Variants in MYO15A observed in about 807,000 individuals in gnomAD.
MYO15A encodes the protein myosin XVA.
In MYO15A, 308 loss-of-function variants were observed where a neutral mutation model predicts 394.6. That is an observed-to-expected ratio of 0.78 (90% confidence interval 0.71 to 0.86). MYO15A has a LOEUF of 0.86. Among genes scored for constraint, MYO15A ranks in the 40% least tolerant of loss-of-function variants. The pLI, the probability that MYO15A is intolerant of heterozygous loss-of-function variation, is 0.00. For synonymous variants in MYO15A, 1,957 were observed against 2,003.8 expected (o/e 0.98, Z 0.62); for missense variants, 4,606 against 4,799.1 (o/e 0.96, Z 1.19).
rs2142231202 is a variant in MYO15A, at chr17:18,117,094, C to A, written c.-219-1488C>A. The stretch of plus-strand genomic sequence containing the variant: ...CTAACTCGCTCCAAAAGCCCTCCAT[C>A]CAATTTCTCTGGTTTCCATCAAGCC... On this transcript the variant is annotated intron_variant, in intron 1 of 65. Transcript: ENST00000647165. This position sits in a 1 kb window ranked among gnomAD's most constrained non-coding sequence, Gnocchi z 4.1. Among the ~76,000 whole-genome samples, 1 of 152,290 alleles carries A rather than the reference C, an allele frequency of 6.6e-6. No individual in the cohort carries two copies. Among genetic ancestry groups the A allele is most frequent in the Admixed American group, 6.5e-5 (1 of 15,310 alleles).
chr17:18,150,406 C>T lies in MYO15A; in HGVS notation c.7213-23C>T, dbSNP rs746757079. 1.4e-5 allele frequency: 23 copies of T among 1,606,436 alleles called. No individual in the cohort carries two copies. The highest frequency in any genetic ancestry group is 2.0e-5 in the Non-Finnish European group (23 of 1,173,248). The stretch of plus-strand genomic sequence containing the variant: ...TGGGAGTACAATAATGAGATGGTCA[C>T]TTGAGCCACCCACTGCCCCCAGGAC... On this transcript the variant is annotated intron_variant, in intron 35 of 65. Transcript: ENST00000647165. This position sits in a 1 kb window ranked among gnomAD's most constrained non-coding sequence, Gnocchi z 4.4.
chr17:18,137,848 G>A (rs2046306890), intron 16 of MYO15A, 169 bp downstream of exon 16: 20 of 928,514 alleles, frequency 2.2e-5, no homozygotes, highest in Non-Finnish European at 3.3e-5. Context: ...CTCTGTTCTG[G>A]AGGGAAAGGT....
chr17:18,163,798 G>A lies in MYO15A; in HGVS notation c.9747G>A (p.Glu3249=), dbSNP rs2046810065. Reference sequence around the variant, plus strand: ...CTGAGATGGCTCTGACACGCCCTGAGGCCTTCAATGAATATGTTATCTTCG... The same window carrying A: ...CTGAGATGGCTCTGACACGCCCTGAAGCCTTCAATGAATATGTTATCTTCG... ...ICAEMALTRP[E]AFNEYVIFVV... is the part of the protein sequence containing the mutation. Residue 3249 remains glutamate, a synonymous_variant, in exon 60 of 66, where the codon GAG becomes GAA. Coordinates refer to ENST00000647165, the MANE Select transcript of MYO15A (RefSeq NM_016239.4). 6.2e-7 allele frequency: 1 copy of A among 1,613,994 alleles called. No homozygotes were observed. The highest frequency in any genetic ancestry group is 8.5e-7 in the Non-Finnish European group (1 of 1,179,990).
At chr17:18,124,624 A>C in intron 3 of MYO15A, 59 bp downstream of exon 3, 1 of 1,528,034 alleles carries the variant, frequency 6.5e-7, no homozygotes, top group Non-Finnish European at 9.0e-7. Flanking sequence ...CCACCCTCCC[A>C]GCCAGAGCAG....
Position 18,140,800 on chromosome 17 carries a change from T to G in MYO15A, c.5374T>G (p.Phe1792Val), listed in dbSNP as rs1313761615. 6.2e-7 allele frequency: 1 copy of G among 1,614,058 alleles called. No individual in the cohort carries two copies. Among genetic ancestry groups the G allele is most frequent in the Non-Finnish European group, 8.5e-7 (1 of 1,180,046 alleles). Residue 1792 changes from phenylalanine (F) to valine (V), a missense_variant, in exon 21 of 66, where the codon TTC (phenylalanine) becomes GTC (valine). Phe to Val is a conservative substitution (Grantham distance 50). Around this residue, in one of 2 missense-constraint regions of MYO15A, gnomAD observed 2,776 missense variants for 3,109.3 expected, o/e 0.89. Coordinates refer to ENST00000647165, the MANE Select transcript of MYO15A (RefSeq NM_016239.4). ...VEKMERCNPLFMRCLKPNHKK... is the reference protein window; with the variant it reads ...VEKMERCNPLVMRCLKPNHKK... ...TGCCACTGCCAGGTGCAACCCCTTG[T>G]TCATGCGTTGCCTGAAGCCCAACCA...
chr17:18,135,636 CG>C, intron 12 of MYO15A, 74 bp from the exon 13 acceptor site: 1 of 1,400,134 alleles, frequency 7.1e-7, no homozygotes, highest in Non-Finnish European at 9.9e-7. Flanking sequence ...CCACAGTGCC[CG>C]GCCCTGTTTT....
Position 18,121,781 on chromosome 17 carries a change from A to G in MYO15A, c.2981A>G (p.His994Arg), listed in dbSNP as rs759156308. 3 of 1,610,278 alleles carry G rather than the reference A, an allele frequency of 1.9e-6. No individual in the cohort carries two copies. The highest frequency in any genetic ancestry group is 3.3e-5 in the Admixed American group (2 of 59,838). Reference sequence around the variant, plus strand: ...ACCAGGGTCTTCCTGGGCAGACACCATGAGCCGGGGCCTGGACAGCTCACC... The same window carrying G: ...ACCAGGGTCTTCCTGGGCAGACACCGTGAGCCGGGGCCTGGACAGCTCACC... ...DMTRVFLGRH[H>R]EPGPGQLTKS... Residue 994 changes from histidine (H) to arginine (R), a missense_variant, in exon 2 of 66, where the codon CAT becomes CGT. By Grantham distance (29) the His-to-Arg change is conservative (BLOSUM62 0). Transcript: ENST00000647165. This position sits in a 1 kb window ranked among gnomAD's most constrained non-coding sequence, Gnocchi z 5.3.
intron 43 of MYO15A, 21 bp from the exon 44 acceptor site, chr17:18,154,110 A>G (rs756412083): frequency 3.7e-6 from 6 of 1,613,596 alleles, no homozygotes; most frequent in Non-Finnish European, 4.2e-6. Context: ...GACAGTACCC[A>G]CTGAAGCCCC....
At chr17:18,178,594 C>T (rs530864733) in intron 65 of MYO15A, 175 bp from the exon 66 acceptor site, 9 of 709,296 alleles carry the variant, frequency 1.3e-5, no homozygotes, top group African/African-American at 8.7e-5. Context: ...CCCCACCATT[C>T]GGCCTTCCAG....
rs1274540319 is a variant in MYO15A, at chr17:18,143,974, G to A, written c.6151G>A (p.Ala2051Thr). 6.2e-7 allele frequency: 1 copy of A among 1,613,480 alleles called. No homozygotes were observed. Among genetic ancestry groups the A allele is most frequent in the Non-Finnish European group, 8.5e-7 (1 of 1,179,966 alleles). ...CCTGGACATCAACAACTATCCTATG[G>A]CCAAGTTTGTCCAGTGCCACTTCAA... ...LPLDINNYPM[A>T]KFVQCHFKEP... is the part of the protein sequence containing the mutation. Residue 2051 changes from alanine to threonine, a missense_variant, in exon 28 of 66, where the codon GCC becomes ACC. By Grantham distance (58) the Ala-to-Thr change is moderately conservative (BLOSUM62 0). Transcript: ENST00000647165.
At position 18,155,096 on chromosome 17, in the gene MYO15A, C is replaced by A; in HGVS notation, c.8225-14C>A. On this transcript the variant is annotated splice_polypyrimidine_tract_variant and intron_variant, in intron 45 of 65. Coordinates refer to ENST00000647165, the MANE Select transcript of MYO15A (RefSeq NM_016239.4). ...AGTGGGGAGAGGGTCCTGACCAGAC[C>A]TGGCCTCCCATAGCCCAGAACCAGC... 6.2e-7 allele frequency: 1 copy of A among 1,609,896 alleles called. No homozygotes were observed. The highest frequency in any genetic ancestry group is 8.5e-7 in the Non-Finnish European group (1 of 1,178,098).
intron 40 of MYO15A, 77 bp downstream of exon 40, chr17:18,151,604 G>C (rs1325710823): frequency 6.3e-7 from 1 of 1,576,048 alleles, no homozygotes; most frequent in Middle Eastern, 1.8e-4. Context: ...CCAGCTTACT[G>C]GGTTGAAGCG....
At position 18,120,160 on chromosome 17, in the gene MYO15A, A is replaced by T. The variant is rs2045885287; in HGVS notation, c.1360A>T (p.Ser454Cys). Residue 454 changes from serine to cysteine, a missense_variant, in exon 2 of 66, where the codon AGC (serine) becomes TGC (cysteine). Coordinates refer to ENST00000647165, the MANE Select transcript of MYO15A (RefSeq NM_016239.4). ...TCAGGGGACCTCCTTCCGCCTGCCCAGCGCCGCCTTCTTCGAGCAGCAAGG... is the reference window on the plus strand; with the variant it reads ...TCAGGGGACCTCCTTCCGCCTGCCCTGCGCCGCCTTCTTCGAGCAGCAAGG... Reference protein sequence around the residue: ...ERQGTSFRLPSAAFFEQQGMD... With the variant: ...ERQGTSFRLPCAAFFEQQGMD... 30 of 1,612,778 alleles carry T rather than the reference A, an allele frequency of 1.9e-5. No individual in the cohort carries two copies. Among genetic ancestry groups the T allele is most frequent in the Non-Finnish European group, 2.5e-5 (30 of 1,179,988 alleles).
chr17:18,166,386 C>T lies in MYO15A; in HGVS notation c.9813C>T (p.Arg3271=), dbSNP rs761273955. Residue 3271 remains arginine (R), a synonymous_variant, in exon 61 of 66, where the codon CGC becomes CGT. Coordinates refer to ENST00000647165, the MANE Select transcript of MYO15A (RefSeq NM_016239.4). ...NRGQHVCPLS[R]RAYILDVASE... is the part of the protein sequence containing the mutation. ...GCCAGCATGTGTGCCCACTCAGTCG[C>T]CGTGCTTACATCCTGGATGTGGCCT... The T allele has an allele frequency of 6.2e-7, 1 of 1,613,716 alleles. No homozygotes were observed. The highest frequency in any genetic ancestry group is 8.5e-7 in the Non-Finnish European group (1 of 1,180,048).
chr17:18,151,945 C>A lies in MYO15A; in HGVS notation c.7887C>A (p.Gly2629=). ...GQMTHLAAAP[G]TQVSREAVAL... Reference sequence around the variant, plus strand: ...TGACCCACCTGGCAGCTGCACCTGGCACCCAGGTGAGGGGGGAAGGTGGGG... The same window carrying A: ...TGACCCACCTGGCAGCTGCACCTGGAACCCAGGTGAGGGGGGAAGGTGGGG... Residue 2629 remains glycine, a synonymous_variant, in exon 41 of 66, where the codon GGC becomes GGA. Coordinates refer to ENST00000647165, the MANE Select transcript of MYO15A (RefSeq NM_016239.4). 6.4e-7 allele frequency: 1 copy of A among 1,559,098 alleles called. No individual in the cohort carries two copies. The highest frequency in any genetic ancestry group is 8.7e-7 in the Non-Finnish European group (1 of 1,150,548).
At chr17:18,151,771 G>C in intron 40 of MYO15A, 75 bp from the exon 41 acceptor site, 3 of 1,409,754 alleles carry the variant, frequency 2.1e-6, no homozygotes, top group Non-Finnish European at 2.9e-6. Context: ...GGAGGAGGAA[G>C]TTTCCTACTG....
At chr17:18,151,756 G>A in intron 40 of MYO15A, 90 bp from the exon 41 acceptor site, 1 of 1,298,310 alleles carries the variant, frequency 7.7e-7, no homozygotes, top group Non-Finnish European at 1.1e-6. Context: ...ATAGGGGGTG[G>A]TGGAGGAGGA....
At chr17:18,154,334 T>A in intron 44 of MYO15A, 144 bp downstream of exon 44, 1 of 967,572 alleles carries the variant, frequency 1.0e-6, no homozygotes. Flanking sequence ...TTTTATTGAA[T>A]CTCCCCCTCC....
intron 1 of MYO15A, among the ~76,000 whole-genome samples, chr17:18,111,051 C>T (rs546987317): frequency 6.6e-6 from 1 of 152,196 alleles, no homozygotes; most frequent in Non-Finnish European, 1.5e-5. Flanking sequence ...TTAAAGTCTG[C>T]ATCCAGGATG....
Sources: allele counts gnomAD v4.1 joint callset (sites outside exome capture counted in the v4.1 genomes callset), GRCh38; gene constraint gnomAD v4.1.1; regional missense constraint gnomAD v4.1.1; non-coding constraint Gnocchi (gnomAD v3.1); transcripts MANE v1.5; gene names NCBI Gene and HGNC (gene_info 2026-07-23, HGNC 2026-07-21).